NETO1: variants seen among roughly 807,000 people sequenced by gnomAD.
NETO1 encodes neuropilin and tolloid like 1.
In NETO1, 26 loss-of-function variants were observed where a neutral mutation model predicts 61.3. That is an observed-to-expected ratio of 0.42 (90% CI 0.31 to 0.59). The LOEUF is 0.59. Ranked by LOEUF, NETO1 falls within the 20% of genes least tolerant of loss-of-function variation. NETO1 has a pLI of 0.12. For missense variants in NETO1, 531 were observed against 662.8 expected (o/e 0.80, Z 2.18); for synonymous variants, 225 against 225.8 (o/e 1.00, Z 0.03).
chr18:72,815,817 G>C (rs2073014280), intron 4 of NETO1, among the ~76,000 whole-genome samples: 1 of 152,138 alleles, frequency 6.6e-6, no homozygotes, highest in Non-Finnish European at 1.5e-5. Context: ...GAACAGGTAA[G>C]AAAATCCTAC....
intron 3 of NETO1, among the ~76,000 whole-genome samples, chr18:72,859,866 AG>A (rs1445032882): frequency 6.6e-6 from 1 of 152,168 alleles, no homozygotes; most frequent in African/African-American, 2.4e-5. Flanking sequence ...TTGAAAGACA[AG>A]AACCATATCT....
At chr18:72,825,281 T>C (rs1051460702) in intron 4 of NETO1, among the ~76,000 whole-genome samples, 7 of 152,170 alleles carry the variant, frequency 4.6e-5, no homozygotes, top group African/African-American at 1.4e-4. Flanking sequence ...TAATAGCTGA[T>C]GCTGGTTTTC....
chr18:72,854,756 A>T (rs1253142935), intron 4 of NETO1, among the ~76,000 whole-genome samples: 1 of 151,758 alleles, frequency 6.6e-6, no homozygotes, highest in African/African-American at 2.4e-5. Flanking sequence ...AAATATTATC[A>T]AGTATAGTCT....
intron 4 of NETO1, among the ~76,000 whole-genome samples, chr18:72,841,230 T>A (rs2073920178): frequency 6.6e-6 from 1 of 152,278 alleles, no homozygotes; most frequent in Middle Eastern, 3.4e-3. Context: ...AAAATTTGCA[T>A]TGTGGATCAA....
intron 7 of NETO1, among the ~76,000 whole-genome samples, chr18:72,757,903 T>C (rs755581596): frequency 9.2e-5 from 14 of 152,196 alleles, no homozygotes; most frequent in Non-Finnish European, 2.1e-4. Context: ...TAAAATGCTT[T>C]TGTAAAAATG....
chr18:72,796,546 G>A (rs538631861), intron 4 of NETO1, among the ~76,000 whole-genome samples: 10 of 152,092 alleles, frequency 6.6e-5, no homozygotes, highest in African/African-American at 1.2e-4. Flanking sequence ...CAGTGATCTC[G>A]TCTCACTGCA....
At chr18:72,826,783 A>C (rs2145350156) in intron 4 of NETO1, among the ~76,000 whole-genome samples, 1 of 152,296 alleles carries the variant, frequency 6.6e-6, no homozygotes, top group African/African-American at 2.4e-5. Flanking sequence ...AAACTGTCTG[A>C]CAGGAATAGA....
intron 3 of NETO1, 79 bp downstream of exon 3, chr18:72,864,729 G>A (rs2074681708): frequency 1.9e-6 from 3 of 1,562,974 alleles, no homozygotes; most frequent in Admixed American, 1.8e-5. Flanking sequence ...ATGCCTATAC[G>A]CATATTCTTC....
At chr18:72,775,040 C>A (rs535583196) in intron 7 of NETO1, among the ~76,000 whole-genome samples, 19 of 152,242 alleles carry the variant, frequency 1.2e-4, no homozygotes, top group African/African-American at 4.6e-4. Context: ...TTTAGCTGGG[C>A]AACCAACAGC....
At chr18:72,783,057 T>C (rs1257124197) in intron 7 of NETO1, among the ~76,000 whole-genome samples, 1 of 152,232 alleles carries the variant, frequency 6.6e-6, no homozygotes, top group Non-Finnish European at 1.5e-5. Flanking sequence ...TATTCAGGGT[T>C]TCTAACAAAT....
intron 8 of NETO1, among the ~76,000 whole-genome samples, chr18:72,754,128 T>C (rs924545683): frequency 6.6e-6 from 1 of 152,124 alleles, no homozygotes; most frequent in Non-Finnish European, 1.5e-5. Context: ...AGAAATCTAA[T>C]ACATTCTGAG....
downstream of NETO1, among the ~76,000 whole-genome samples, chr18:72,743,045 G>C (rs2070366771): frequency 6.6e-6 from 1 of 152,166 alleles, no homozygotes; most frequent in South Asian, 2.1e-4. Context: ...ATTCAATTTA[G>C]CAAACATACC....
chr18:72,842,707 T>TA (rs1415057113), intron 4 of NETO1, among the ~76,000 whole-genome samples: 1 of 152,196 alleles, frequency 6.6e-6, no homozygotes, highest in Non-Finnish European at 1.5e-5. Flanking sequence ...GCTCAACATG[T>TA]AAAAATCTCA....
intron 3 of NETO1, among the ~76,000 whole-genome samples, chr18:72,864,395 T>C (rs2074670949): frequency 6.6e-6 from 1 of 152,240 alleles, no homozygotes; most frequent in Non-Finnish European, 1.5e-5. Flanking sequence ...TTGACATTAA[T>C]ACGATTTTTG....
chr18:72,814,487 A>C (rs1029845454), intron 4 of NETO1, among the ~76,000 whole-genome samples: 15 of 152,208 alleles, frequency 9.9e-5, no homozygotes, highest in Middle Eastern at 3.4e-3. Flanking sequence ...AAAAAGAAAT[A>C]AAACAAAGGA....
In NETO1 at chr18:72,754,243, G is replaced by T. The variant is rs572016485; in HGVS notation, c.982+1791C>A. Among the ~76,000 whole-genome samples, 20 of 151,956 alleles carry T rather than the reference G, an allele frequency of 1.3e-4. No individual in the cohort carries two copies. In the East Asian group the frequency reaches 3.9e-3, roughly 29 times the overall value. On this transcript the variant is annotated intron_variant, in intron 8 of 10. Coordinates refer to ENST00000327305, the MANE Select transcript of NETO1 (RefSeq NM_138966.5). ...GTTGGACTAGAATATACTAACTTAA[G>T]GCAGAAGAAAGCAATAAAGAAGGAA... is the stretch of plus-strand genomic sequence containing the variant.
At chr18:72,799,089 T>C (rs1251894731) in intron 4 of NETO1, among the ~76,000 whole-genome samples, 1 of 152,232 alleles carries the variant, frequency 6.6e-6, no homozygotes, top group Non-Finnish European at 1.5e-5. Flanking sequence ...GCTAACTTCA[T>C]TGCTAAAGCT....
At chr18:72,766,305 T>C (rs571561412) in intron 7 of NETO1, among the ~76,000 whole-genome samples, 16 of 151,296 alleles carry the variant, frequency 1.1e-4, no homozygotes, top group African/African-American at 3.6e-4. Flanking sequence ...CAAACAAAAA[T>C]ATAAAAAATA....
At chr18:72,750,686 A>G (rs1412625653) in intron 8 of NETO1, 66 bp from the exon 9 acceptor site, 10 of 1,169,712 alleles carry the variant, frequency 8.5e-6, no homozygotes, top group African/African-American at 6.2e-5. Context: ...AAACATTAAT[A>G]TTATAGTCAA....
Sources: allele counts gnomAD v4.1 joint callset (sites outside exome capture counted in the v4.1 genomes callset), GRCh38; gene constraint gnomAD v4.1.1; transcripts MANE v1.5; gene names NCBI Gene and HGNC (gene_info 2026-07-23, HGNC 2026-07-21).